ITSN1: variants seen among roughly 807,000 people sequenced by gnomAD.
ITSN1 encodes intersectin-1.
A neutral mutation model predicts 239.8 loss-of-function variants in ITSN1; 58 were observed. That is an observed-to-expected ratio of 0.24 (90% CI 0.20 to 0.30). The LOEUF (loss-of-function observed/expected upper bound fraction) is 0.30. Ranked by LOEUF, ITSN1 falls within the 10% of genes least tolerant of loss-of-function variation. ITSN1 has a pLI of 1.00. For missense variants in ITSN1, 1,558 were observed against 2,103.3 expected (o/e 0.74, Z 5.07); for synonymous variants, 780 against 770.8 (o/e 1.01, Z -0.20).
intron 1 of ITSN1, among the ~76,000 whole-genome samples, chr21:33,701,173 A>G (rs954229080): frequency 6.6e-6 from 1 of 152,122 alleles, no homozygotes; most frequent in African/African-American, 2.4e-5. Flanking sequence ...TTATAAATGG[A>G]TTAGGCTTGC....
intron 4 of ITSN1, among the ~76,000 whole-genome samples, chr21:33,725,080 G>A (rs1217876916): frequency 6.7e-6 from 1 of 149,504 alleles, no homozygotes; most frequent in Non-Finnish European, 1.5e-5. Context: ...GACCAACCTG[G>A]GCAATATAAT....
At chr21:33,665,600 CAG>C (rs370507099) in intron 1 of ITSN1, among the ~76,000 whole-genome samples, 55 of 152,206 alleles carry the variant, frequency 3.6e-4, no homozygotes, top group African/African-American at 1.3e-3. Flanking sequence ...TAGATAGATA[CAG>C]AGTTATATGG....
intron 22 of ITSN1, chr21:33,817,349 G>A (rs944254054): frequency 2.3e-6 from 3 of 1,304,304 alleles, no homozygotes; most frequent in East Asian, 5.5e-5. Context: ...CTGCGCCCTC[G>A]GCCTGGAGTG....
At chr21:33,688,927 A>G (rs1005960109) in intron 1 of ITSN1, among the ~76,000 whole-genome samples, 2 of 151,880 alleles carry the variant, frequency 1.3e-5, no homozygotes, top group African/African-American at 2.4e-5. Flanking sequence ...GGTTCAAGCA[A>G]TTCTCCTGTC....
At chr21:33,769,491 G>A (rs2068960109) in intron 11 of ITSN1, among the ~76,000 whole-genome samples, 1 of 152,188 alleles carries the variant, frequency 6.6e-6, no homozygotes, top group Non-Finnish European at 1.5e-5. Flanking sequence ...AGACCGGGCA[G>A]CTTGAACAGT....
chr21:33,679,338 G>A (rs933788384), intron 1 of ITSN1, among the ~76,000 whole-genome samples: 1 of 152,268 alleles, frequency 6.6e-6, no homozygotes, highest in Admixed American at 6.5e-5. Context: ...TTCACTGCAT[G>A]GGTACTCTGA....
chr21:33,840,180 G>T (rs563241085), intron 29 of ITSN1, among the ~76,000 whole-genome samples: 3 of 152,160 alleles, frequency 2.0e-5, no homozygotes, highest in African/African-American at 7.2e-5. Flanking sequence ...TCTGCACTTT[G>T]GTACTAGATT....
At chr21:33,742,283 C>T (rs2066909516) in intron 5 of ITSN1, among the ~76,000 whole-genome samples, 1 of 152,042 alleles carries the variant, frequency 6.6e-6, no homozygotes, top group African/African-American at 2.4e-5. Context: ...TCTCGAACTT[C>T]TGATCTCAAG....
intron 16 of ITSN1, among the ~76,000 whole-genome samples, chr21:33,783,097 C>T (rs1307063739): frequency 6.6e-6 from 1 of 152,024 alleles, no homozygotes; most frequent in Non-Finnish European, 1.5e-5. Context: ...TCATATACTA[C>T]TTTAGATGTA....
chr21:33,767,948 C>T, intron 11 of ITSN1, 120 bp downstream of exon 11: 1 of 559,456 alleles, frequency 1.8e-6, no homozygotes, highest in Non-Finnish European at 3.2e-6. Context: ...TGCCTTGTAA[C>T]TTAACTGACC....
rs776643469 is a variant in ITSN1, at chr21:33,772,226, G to A, written c.1208G>A (p.Arg403His). The change falls in exon 12 of 40, where the codon CGC becomes CAC. Residue 403 changes from arginine (R) to histidine (H), a missense_variant. Coordinates refer to ENST00000381318, the MANE Select transcript of ITSN1 (RefSeq NM_003024.3). Reference sequence around the variant, plus strand: ...GAGCGTGAGCGCCAGGAGCAAGAGCGCAAAAGACAACTGGAACTGGAGAAG... The same window carrying A: ...GAGCGTGAGCGCCAGGAGCAAGAGCACAAAAGACAACTGGAACTGGAGAAG... The part of the protein sequence containing the change: ...RKERERQEQE[R>H]KRQLELEKQL... 3.6e-5 allele frequency: 58 copies of A among 1,610,660 alleles called. No homozygotes were observed. Among genetic ancestry groups the A allele is most frequent in the East Asian group, 3.6e-4 (16 of 44,796 alleles).
intron 5 of ITSN1, among the ~76,000 whole-genome samples, chr21:33,740,750 A>G (rs1476606332): frequency 6.6e-6 from 1 of 152,160 alleles, no homozygotes; most frequent in Non-Finnish European, 1.5e-5. Context: ...AAAGGATGAT[A>G]GTCTTTTTGC....
chr21:33,840,793 C>T (rs546724940), intron 29 of ITSN1, among the ~76,000 whole-genome samples: 2 of 152,334 alleles, frequency 1.3e-5, no homozygotes, highest in Admixed American at 6.5e-5. Flanking sequence ...CCACTGTGCC[C>T]AGTCTGTTTT....
At chr21:33,881,273 C>G (rs571112247) in intron 34 of ITSN1, among the ~76,000 whole-genome samples, 2 of 151,888 alleles carry the variant, frequency 1.3e-5, no homozygotes, top group Non-Finnish European at 2.9e-5. Flanking sequence ...CGGGCGTGGT[C>G]GCGAGCACCT....
intron 39 of ITSN1, among the ~76,000 whole-genome samples, chr21:33,886,864 C>A (rs1985880549): frequency 1.3e-5 from 2 of 152,150 alleles, no homozygotes; most frequent in African/African-American, 4.8e-5. Flanking sequence ...GGGCCAGGTC[C>A]CTTTGGGTGG....
intron 29 of ITSN1, among the ~76,000 whole-genome samples, chr21:33,848,687 T>C (rs2075060219): frequency 1.3e-5 from 2 of 152,336 alleles, no homozygotes; most frequent in Middle Eastern, 3.4e-3. Context: ...CATTGTGAGC[T>C]CTGAGTGGCG....
intron 1 of ITSN1, among the ~76,000 whole-genome samples, chr21:33,678,585 G>A (rs2090739409): frequency 6.6e-6 from 1 of 152,170 alleles, no homozygotes; most frequent in African/African-American, 2.4e-5. Context: ...TTTATATCGT[G>A]AGCTTCAGTG....
intron 35 of ITSN1, 138 bp from the exon 36 acceptor site, chr21:33,883,412 C>T: frequency 1.7e-6 from 2 of 1,149,900 alleles, no homozygotes; most frequent in Middle Eastern, 4.5e-4. Context: ...GAAACACACG[C>T]ACGAGTGTGC....
At chr21:33,872,286 A>C (rs1004523437) in intron 33 of ITSN1, among the ~76,000 whole-genome samples, 3 of 152,226 alleles carry the variant, frequency 2.0e-5, no homozygotes, top group Non-Finnish European at 4.4e-5. Context: ...ATAATTTAAG[A>C]AATATTGAAA....
Sources: allele counts gnomAD v4.1 joint callset (sites outside exome capture counted in the v4.1 genomes callset), GRCh38; gene constraint gnomAD v4.1.1; transcripts MANE v1.5; gene names NCBI Gene and HGNC (gene_info 2026-07-23, HGNC 2026-07-21).